The following CAMKK2 variants were observed in gnomAD, a reference collection of about 807,000 sequenced individuals.
The protein encoded by CAMKK2 is calcium/calmodulin dependent protein kinase kinase 2, also known as calcium/calmodulin-dependent protein kinase kinase 2.
In CAMKK2, 30 loss-of-function variants were observed where a neutral mutation model predicts 67.2. The ratio of observed to expected loss-of-function variants is 0.45; its 90% confidence interval spans 0.33 to 0.61. The LOEUF is 0.61. CAMKK2 is among the 20% of genes least tolerant of loss of function. CAMKK2 has a pLI of 0.02. For missense variants in CAMKK2, 643 were observed against 802.0 expected, an observed-to-expected ratio of 0.80 and a Z score of 2.39; for synonymous variants, 322 against 326.2, an observed-to-expected ratio of 0.99 and a Z score of 0.14.
At chr12:121,257,308 A>G (rs1038130911) in intron 7 of CAMKK2, among the ~76,000 whole-genome samples, 2 of 150,184 alleles carry the variant, frequency 1.3e-5, no homozygotes, top group Admixed American at 6.7e-5. Context: ...GTGCAGTGGC[A>G]CGATCTTGGC....
chr12:121,260,627 C>A, intron 6 of CAMKK2: 1 of 538,480 alleles, frequency 1.9e-6, no homozygotes, highest in Non-Finnish European at 3.2e-6. Flanking sequence ...CAAAATACTC[C>A]CCTGGAAATA....
At chr12:121,280,225 C>A (rs569395430) in intron 1 of CAMKK2, among the ~76,000 whole-genome samples, 1 of 152,324 alleles carries the variant, frequency 6.6e-6, no homozygotes, top group African/African-American at 2.4e-5. Context: ...CAAATTAATA[C>A]TTTTGTAATT....
intron 1 of CAMKK2, among the ~76,000 whole-genome samples, chr12:121,295,217 A>G (rs778765707): frequency 1.2e-4 from 19 of 152,216 alleles, no homozygotes; most frequent in Admixed American, 2.6e-4. Flanking sequence ...GGCTCATCAA[A>G]TGATGGCTAT....
At chr12:121,287,723 G>A (rs1251486886) in intron 1 of CAMKK2, among the ~76,000 whole-genome samples, 1 of 152,184 alleles carries the variant, frequency 6.6e-6, no homozygotes, top group Non-Finnish European at 1.5e-5. Context: ...TAATGCTAGT[G>A]CTTTGGGAGG....
intron 10 of CAMKK2, 141 bp from the exon 11 acceptor site, chr12:121,252,855 AGGCACAGGATCCAGGCCAGGCC>A (rs1891060257): frequency 1.3e-6 from 1 of 783,664 alleles, no homozygotes; most frequent in African/African-American, 1.7e-5. Context: ...GCTCTGGGGC[AGGCACAGGATCCAGGCCAGGCC>A]AATGAGAGCA....
At chr12:121,255,302 T>A (rs1233832943) in intron 9 of CAMKK2, among the ~76,000 whole-genome samples, 1 of 15,860 alleles carries the variant, frequency 6.3e-5, no homozygotes, top group African/African-American at 1.8e-4. Flanking sequence ...ATATATATAA[T>A]TTTATATATA....
intron 1 of CAMKK2, among the ~76,000 whole-genome samples, chr12:121,278,804 C>T (rs774807822): frequency 6.6e-6 from 1 of 152,210 alleles, no homozygotes; most frequent in Admixed American, 6.5e-5. Flanking sequence ...TGAAAACGGA[C>T]TAATACAGAT....
At chr12:121,249,662 G>A (rs1027952599) in intron 13 of CAMKK2, 125 bp downstream of exon 13, 9 of 827,668 alleles carry the variant, frequency 1.1e-5, no homozygotes, top group Non-Finnish European at 1.7e-5. Flanking sequence ...CAGAGGCCCT[G>A]GGGCATAGGA....
chr12:121,272,131 G>A (rs1895899391), intron 2 of CAMKK2, among the ~76,000 whole-genome samples: 1 of 152,224 alleles, frequency 6.6e-6, no homozygotes, highest in Non-Finnish European at 1.5e-5. Context: ...ATAAGCCATT[G>A]TACCAGGCCT....
intron 1 of CAMKK2, among the ~76,000 whole-genome samples, chr12:121,282,026 A>G (rs1206576191): frequency 6.6e-6 from 1 of 152,186 alleles, no homozygotes; most frequent in Non-Finnish European, 1.5e-5. Flanking sequence ...AGAGAATACC[A>G]GAGGGGACCA....
At chr12:121,293,775 C>T (rs531401436) in intron 1 of CAMKK2, among the ~76,000 whole-genome samples, 3 of 152,100 alleles carry the variant, frequency 2.0e-5, no homozygotes, top group Non-Finnish European at 2.9e-5. Flanking sequence ...GCACAAATGA[C>T]ACCTCCTTCA....
chr12:121,274,124 G>T lies in CAMKK2; in HGVS notation c.403C>A (p.Gln135Lys), dbSNP rs1430275816. 6.4e-7 allele frequency: 1 copy of T among 1,572,460 alleles called. No individual in the cohort carries two copies. The highest frequency in any genetic ancestry group is 8.6e-7 in the Non-Finnish European group (1 of 1,157,578). ...SLPYSPVSSP[Q>K]SSPRLPRRPT... ...CGCCGGGGCAGCCGAGGCGAGGACT[G>T]CGGGGAGCTGACGGGTGAGTAGGGC... Residue 135 changes from glutamine to lysine, a missense_variant, in exon 2 of 17, where the codon CAG (glutamine) becomes AAG (lysine). Physicochemically the swap from Gln to Lys is moderately conservative, Grantham distance 53. Around this residue, in one of 3 missense-constraint regions of CAMKK2, gnomAD observed 483 missense variants for 625.8 expected, o/e 0.77. Transcript: ENST00000404169.
At chr12:121,255,288 AAT>A (rs1491280228) in intron 9 of CAMKK2, among the ~76,000 whole-genome samples, 1 of 29,462 alleles carries the variant, frequency 3.4e-5, no homozygotes, top group African/African-American at 1.4e-4. Flanking sequence ...TTATATATAT[AAT>A]TATATATATA....
chr12:121,272,306 A>G (rs533412139), intron 2 of CAMKK2, among the ~76,000 whole-genome samples: 1 of 152,388 alleles, frequency 6.6e-6, no homozygotes, highest in South Asian at 2.1e-4. Context: ...ATGAATAAAC[A>G]AACTGTGGTA....
chr12:121,267,162 T>G (rs948121788), intron 5 of CAMKK2, among the ~76,000 whole-genome samples: 1 of 139,216 alleles, frequency 7.2e-6, no homozygotes, highest in African/African-American at 2.7e-5. Flanking sequence ...CAGGCTGGAG[T>G]GCAGTGGCGC....
intron 4 of CAMKK2, 48 bp from the exon 5 acceptor site, chr12:121,268,737 C>T: frequency 6.3e-7 from 1 of 1,586,202 alleles, no homozygotes; most frequent in Non-Finnish European, 8.7e-7. Context: ...CTGTTTAAAG[C>T]AGGGAGGAAA....
At chr12:121,252,963 G>A (rs541818732) in intron 10 of CAMKK2, among the ~76,000 whole-genome samples, 1 of 152,286 alleles carries the variant, frequency 6.6e-6, no homozygotes, top group South Asian at 2.1e-4. Flanking sequence ...GCCAACCCCA[G>A]GGTTTTCACA....
intron 5 of CAMKK2, among the ~76,000 whole-genome samples, chr12:121,264,624 A>G (rs1218784324): frequency 2.6e-5 from 4 of 152,074 alleles, no homozygotes; most frequent in Non-Finnish European, 5.9e-5. Flanking sequence ...AATACAAAAA[A>G]TTAGCCGGGC....
chr12:121,286,231 G>A (rs1466790789), intron 1 of CAMKK2, among the ~76,000 whole-genome samples: 1 of 152,222 alleles, frequency 6.6e-6, no homozygotes, highest in Admixed American at 6.5e-5. Flanking sequence ...TCTCATCCAG[G>A]CCAAACTGCC....
Sources: gnomAD v4.1 joint callset for allele counts (sites outside exome capture counted in the v4.1 genomes callset) on GRCh38, gnomAD v4.1.1 for gene constraint, gnomAD v4.1.1 regional missense constraint, MANE v1.5 for transcripts, NCBI Gene and HGNC (gene_info 2026-07-23, HGNC 2026-07-21) for gene names.